Variants in CAMTA1 observed in about 807,000 individuals in gnomAD.
The protein encoded by CAMTA1 is calmodulin binding transcription activator 1, also known as calmodulin-binding transcription activator 1.
CAMTA1 carries 27 observed loss-of-function variants against 170.9 expected under a neutral mutation model. That is an observed-to-expected ratio of 0.16 (90% CI 0.12 to 0.22). CAMTA1 has a LOEUF of 0.22. Among genes scored for constraint, CAMTA1 ranks in the 10% least tolerant of loss-of-function variants. The pLI is 1.00. For synonymous variants in CAMTA1, 833 were observed against 891.5 expected (o/e 0.93, Z 1.17); for missense variants, 1,619 against 2,217.2 (o/e 0.73, Z 5.42).
At chr1:7,513,136 G>A (rs1367572080) in intron 6 of CAMTA1, among the ~76,000 whole-genome samples, 3 of 152,132 alleles carry the variant, frequency 2.0e-5, no homozygotes, top group South Asian at 4.2e-4. Context: ...TGCTTGTGAC[G>A]ACCCAGGTGG....
At chr1:7,460,844 G>T (rs952919410) in intron 5 of CAMTA1, among the ~76,000 whole-genome samples, 1 of 152,114 alleles carries the variant, frequency 6.6e-6, no homozygotes, top group African/African-American at 2.4e-5. Context: ...GATTGCCTTT[G>T]TGTAGACAGC....
chr1:7,678,324 C>G (rs1316769281), intron 11 of CAMTA1, among the ~76,000 whole-genome samples: 1 of 152,198 alleles, frequency 6.6e-6, no homozygotes, highest in Non-Finnish European at 1.5e-5. Flanking sequence ...TTAATTCCAC[C>G]TCTGGCCTGT....
Position 7,717,848 on chromosome 1 carries a change from A to G in CAMTA1, c.2915-14600A>G, listed in dbSNP as rs572002588. ...TCATAGAAATGACTCATGGAAACAA[A>G]TATTTGTTCTACATGTTATTCTGTA... On this transcript the variant is annotated intron_variant, in intron 11 of 22. Transcript: ENST00000303635. 1.6e-3 allele frequency among the ~76,000 whole-genome samples: 248 copies of G among 152,354 alleles called. 2 individuals carry two copies. Among genetic ancestry groups the G allele is most frequent in the Non-Finnish European group, 3.1e-3 (209 of 68,038 alleles).
chr1:7,606,498 T>A (rs1372738107), intron 6 of CAMTA1, among the ~76,000 whole-genome samples: 1 of 152,218 alleles, frequency 6.6e-6, no homozygotes, highest in Admixed American at 6.5e-5. Flanking sequence ...TCTGTTTTCA[T>A]TTTATTTTCT....
At chr1:7,039,513 GCCTC>G (rs56286036) in intron 3 of CAMTA1, among the ~76,000 whole-genome samples, 103,465 of 151,620 alleles carry the variant, frequency 0.68, 36,415 homozygotes, top group African/African-American at 0.86. Context: ...TTGTCCAAGA[GCCTC>G]CCTCATTTTA....
At chr1:7,270,886 TA>T (rs1396022367) in intron 5 of CAMTA1, among the ~76,000 whole-genome samples, 4 of 152,192 alleles carry the variant, frequency 2.6e-5, no homozygotes, top group Non-Finnish European at 5.9e-5. Flanking sequence ...TTCTTGAAAA[TA>T]TAATTGGCCA....
At chr1:7,589,026 T>C (rs992490477) in intron 6 of CAMTA1, among the ~76,000 whole-genome samples, 1 of 152,204 alleles carries the variant, frequency 6.6e-6, no homozygotes, top group African/African-American at 2.4e-5. Flanking sequence ...CCGACTCCCT[T>C]TCCATTTTAA....
intron 6 of CAMTA1, among the ~76,000 whole-genome samples, chr1:7,587,603 C>T (rs761510883): frequency 6.6e-6 from 1 of 152,122 alleles, no homozygotes; most frequent in Non-Finnish European, 1.5e-5. Context: ...GTTACTTACT[C>T]GTCTGCTGCC....
At chr1:7,187,969 T>C (rs539750658) in intron 4 of CAMTA1, among the ~76,000 whole-genome samples, 1 of 152,302 alleles carries the variant, frequency 6.6e-6, no homozygotes, top group African/African-American at 2.4e-5. Flanking sequence ...GAAGTTTAAT[T>C]AACTCACAGT....
intron 5 of CAMTA1, among the ~76,000 whole-genome samples, chr1:7,285,780 C>G (rs960523128): frequency 5.3e-5 from 8 of 152,100 alleles, no homozygotes; most frequent in Admixed American, 2.6e-4. Context: ...CCCCTGAGCC[C>G]ATAACGACAC....
chr1:6,911,797 T>C (rs1679740456), intron 3 of CAMTA1, among the ~76,000 whole-genome samples: 1 of 152,206 alleles, frequency 6.6e-6, no homozygotes, highest in African/African-American at 2.4e-5. Flanking sequence ...AGTGATTCCC[T>C]CATGTGTTTC....
At chr1:7,612,278 G>A (rs975582152) in intron 6 of CAMTA1, among the ~76,000 whole-genome samples, 1 of 152,190 alleles carries the variant, frequency 6.6e-6, no homozygotes, top group Non-Finnish European at 1.5e-5. Context: ...GACAAGGGAT[G>A]GAGTGGGAAG....
At chr1:7,543,257 G>A (rs1750824) in intron 6 of CAMTA1, among the ~76,000 whole-genome samples, 118,450 of 152,062 alleles carry the variant, frequency 0.78, 46,436 homozygotes, top group African/African-American at 0.86. Flanking sequence ...TGATGCTTCC[G>A]GTGTTCAGCA....
intron 5 of CAMTA1, among the ~76,000 whole-genome samples, chr1:7,287,897 AT>A (rs1672575613): frequency 6.6e-6 from 1 of 152,152 alleles, no homozygotes; most frequent in Non-Finnish European, 1.5e-5. Flanking sequence ...GCATACATCA[AT>A]TTTACCTTCA....
chr1:7,481,441 C>T, intron 6 of CAMTA1, among the ~76,000 whole-genome samples: 1 of 152,178 alleles, frequency 6.6e-6, no homozygotes, highest in East Asian at 1.9e-4. Context: ...TGCCCTGGAC[C>T]TTCCATGGTT....
intron 1 of CAMTA1, among the ~76,000 whole-genome samples, chr1:6,788,343 C>T (rs1244048390): frequency 1.3e-5 from 2 of 152,184 alleles, no homozygotes; most frequent in African/African-American, 2.4e-5. Context: ...CTCAGAGGCT[C>T]GCTTTGCCTC....
chr1:7,499,139 C>G (rs1472301030), intron 6 of CAMTA1, among the ~76,000 whole-genome samples: 2 of 117,126 alleles, frequency 1.7e-5, no homozygotes, highest in African/African-American at 6.5e-5. Flanking sequence ...TCCTGGTGTG[C>G]GTGTGTACGT....
intron 11 of CAMTA1, among the ~76,000 whole-genome samples, chr1:7,707,889 T>C (rs1163144390): frequency 6.6e-6 from 1 of 152,212 alleles, no homozygotes; most frequent in African/African-American, 2.4e-5. Context: ...ATCTTTTCTT[T>C]GCTATTCTCT....
At chr1:7,241,803 C>A (rs60572772) in intron 4 of CAMTA1, among the ~76,000 whole-genome samples, 2,127 of 152,128 alleles carry the variant, frequency 0.014, 51 homozygotes, top group African/African-American at 0.047. Context: ...AAAATTCACT[C>A]AAAATGGATC....
Sources: gnomAD v4.1 joint callset for allele counts (sites outside exome capture counted in the v4.1 genomes callset) on GRCh38, gnomAD v4.1.1 for gene constraint, MANE v1.5 for transcripts, NCBI Gene and HGNC (gene_info 2026-07-23, HGNC 2026-07-21) for gene names.